The following RASSF4 variants were observed in gnomAD, a reference collection of about 807,000 sequenced individuals.
The protein encoded by RASSF4 is Ras association domain family member 4, also known as ras association domain-containing protein 4.
Under a neutral mutation model 41.1 loss-of-function variants are expected in RASSF4, and 38 were observed. The observed-to-expected ratio is 0.92, with a 90% CI of 0.71 to 1.21. RASSF4 has a LOEUF of 1.21. RASSF4 is among the 50% of genes most tolerant of loss of function. The pLI is 0.00. For missense variants in RASSF4, 414 were observed against 419.4 expected, an observed-to-expected ratio of 0.99 and a Z score of 0.11; for synonymous variants, 179 against 163.4, an observed-to-expected ratio of 1.10 and a Z score of -0.73.
At chr10:44,968,664 G>A (rs1841003681) in intron 1 of RASSF4, among the ~76,000 whole-genome samples, 1 of 152,186 alleles carries the variant, frequency 6.6e-6, no homozygotes, top group South Asian at 2.1e-4. Flanking sequence ...GTGAGTGCCT[G>A]AGGAGCTGGG....
At chr10:44,990,660 G>A in intron 8 of RASSF4, 1 of 248,550 alleles carries the variant, frequency 4.0e-6, no homozygotes, top group East Asian at 8.1e-5. Context: ...ACAAATTTAT[G>A]TCCTGCTTTT....
chr10:44,976,080 A>C (rs572147422), intron 3 of RASSF4: 2 of 152,336 alleles, frequency 1.3e-5, no homozygotes, highest in African/African-American at 4.8e-5. Flanking sequence ...ACGTTTGCCC[A>C]AAGTCAGGGA....
chr10:44,973,745 C>T (rs1383459960), intron 3 of RASSF4, among the ~76,000 whole-genome samples: 7 of 152,158 alleles, frequency 4.6e-5, no homozygotes, highest in East Asian at 3.9e-4. Flanking sequence ...GGGGCAGGGG[C>T]GCGGGAGCGG....
intron 5 of RASSF4, 68 bp from the exon 6 acceptor site, chr10:44,984,745 C>A: frequency 6.4e-7 from 1 of 1,571,654 alleles, no homozygotes; most frequent in Non-Finnish European, 8.7e-7. Flanking sequence ...TGCCAGATCT[C>A]CCGACAGCAG....
At chr10:44,974,567 C>A (rs1316494063) in intron 3 of RASSF4, among the ~76,000 whole-genome samples, 1 of 152,156 alleles carries the variant, frequency 6.6e-6, no homozygotes, top group Non-Finnish European at 1.5e-5. Context: ...AAGGGGCTCT[C>A]AGGCTGGCGA....
At chr10:44,969,295 G>A (rs1457478787) in intron 1 of RASSF4, among the ~76,000 whole-genome samples, 1 of 152,122 alleles carries the variant, frequency 6.6e-6, no homozygotes, top group Non-Finnish European at 1.5e-5. Context: ...AGAAACCTGG[G>A]GAGGGCAGGA....
chr10:44,989,868 C>T, intron 8 of RASSF4, 147 bp downstream of exon 8: 1 of 714,290 alleles, frequency 1.4e-6, no homozygotes, highest in Non-Finnish European at 2.6e-6. Flanking sequence ...CTGTGCCTCC[C>T]AGCATGAACA....
intron 1 of RASSF4, 87 bp from the exon 2 acceptor site, chr10:44,970,078 T>C (rs1306474447): frequency 7.6e-6 from 6 of 786,858 alleles, no homozygotes; most frequent in Non-Finnish European, 1.3e-5. Flanking sequence ...GCCGACGGTG[T>C]CTGTGCCAGG....
intron 1 of RASSF4, among the ~76,000 whole-genome samples, chr10:44,968,095 G>GA (rs1232734247): frequency 1.3e-5 from 2 of 152,092 alleles, no homozygotes; most frequent in Non-Finnish European, 2.9e-5. Context: ...GAAGGCAAGA[G>GA]AAAAAAACAC....
intron 1 of RASSF4, among the ~76,000 whole-genome samples, chr10:44,965,898 A>G (rs557329027): frequency 2.0e-5 from 3 of 152,242 alleles, no homozygotes; most frequent in South Asian, 4.1e-4. Context: ...ATGGCCGGAG[A>G]CACTCAACAC....
At position 44,959,871 on chromosome 10, in the gene RASSF4, G is replaced by A. The variant is rs1468137492; in HGVS notation, c.-39+5G>A. 6.6e-6 allele frequency: 1 copy of A among 152,428 alleles called. No individual in the cohort carries two copies. The highest frequency in any genetic ancestry group is 1.5e-5 in the Non-Finnish European group (1 of 68,192). 9.4% of individuals were successfully genotyped at this position (152,428 alleles called of 1,614,324 possible). A position where few individuals can be genotyped will look rare whatever the true frequency, so the allele number is the denominator to read the frequency against. On this transcript the variant is annotated splice_donor_5th_base_variant and intron_variant, in intron 1 of 10. Coordinates refer to ENST00000340258, the MANE Select transcript of RASSF4 (RefSeq NM_032023.4). ...GGACTGCGCGATGACTGGACGGTGAGTGATGAACGAGCAGGAGAGTGCTTG... is the reference window on the plus strand; with the variant it reads ...GGACTGCGCGATGACTGGACGGTGAATGATGAACGAGCAGGAGAGTGCTTG...
intron 8 of RASSF4, 199 bp from the exon 9 acceptor site, chr10:44,990,749 C>A (rs1034869469): frequency 2.1e-6 from 1 of 483,282 alleles, no homozygotes; most frequent in African/African-American, 1.9e-5. Context: ...AATCCTTATG[C>A]CAAAGTGGCA....
intron 1 of RASSF4, among the ~76,000 whole-genome samples, chr10:44,967,243 C>T (rs530082957): frequency 1.3e-5 from 2 of 152,310 alleles, no homozygotes; most frequent in East Asian, 3.9e-4. Flanking sequence ...CTTTCTGGGT[C>T]ACCACGGTGG....
chr10:44,993,526 G>A lies in RASSF4; in HGVS notation c.*197G>A. On this transcript the variant is annotated 3_prime_UTR_variant, in exon 11 of 11. Transcript: ENST00000340258. The stretch of plus-strand genomic sequence containing the variant: ...GCTCCAAGATGAGCACCCACAGGAA[G>A]CCGACCCAGGCCTGAGGGGCCAGGA... The A allele has an allele frequency of 3.4e-6, 2 of 591,096 alleles. 1 individual carries two copies. Among genetic ancestry groups the A allele is most frequent in the Non-Finnish European group, 6.1e-6 (2 of 328,448 alleles). 36.6% of individuals were successfully genotyped at this position (591,096 alleles called of 1,614,324 possible).
chr10:44,979,881 G>A (rs1002398081), intron 3 of RASSF4, among the ~76,000 whole-genome samples: 1 of 152,048 alleles, frequency 6.6e-6, no homozygotes, highest in Non-Finnish European at 1.5e-5. Context: ...GCTGGGGCTG[G>A]GGGGCTGCCA....
At chr10:44,978,951 A>G (rs1291387806) in intron 3 of RASSF4, 1 of 152,062 alleles carries the variant, frequency 6.6e-6, no homozygotes, top group Non-Finnish European at 1.5e-5. Context: ...GCCAGCTTGG[A>G]GGTGTTTTTC....
At chr10:44,982,704 G>A (rs1360198043) in intron 4 of RASSF4, 41 bp downstream of exon 4, 1 of 1,598,720 alleles carries the variant, frequency 6.3e-7, no homozygotes, top group Non-Finnish European at 8.5e-7. Context: ...CTCAGCCTGA[G>A]CTCCCGGGTT....
intron 4 of RASSF4, 85 bp from the exon 5 acceptor site, chr10:44,983,937 C>G: frequency 1.9e-6 from 3 of 1,549,454 alleles, no homozygotes; most frequent in Non-Finnish European, 2.6e-6. Flanking sequence ...GTGTCCTACC[C>G]CAGGGGCTGC....
intron 1 of RASSF4, among the ~76,000 whole-genome samples, chr10:44,963,689 T>G (rs987916992): frequency 6.6e-6 from 1 of 152,254 alleles, no homozygotes; most frequent in Non-Finnish European, 1.5e-5. Flanking sequence ...ACTTTCGTTA[T>G]GACCTATTTG....
Sources: allele counts gnomAD v4.1 joint callset (sites outside exome capture counted in the v4.1 genomes callset), GRCh38; gene constraint gnomAD v4.1.1; transcripts MANE v1.5; gene names NCBI Gene and HGNC (gene_info 2026-07-23, HGNC 2026-07-21).